The following PDE3A variants were observed in gnomAD, a reference collection of about 807,000 sequenced individuals.
The protein encoded by PDE3A is phosphodiesterase 3A.
PDE3A carries 43 observed loss-of-function variants against 98.3 expected under a neutral mutation model. The ratio of observed to expected loss-of-function variants is 0.44; its 90% CI spans 0.34 to 0.56. The LOEUF (loss-of-function observed/expected upper bound fraction) is 0.56. Ranked by LOEUF, PDE3A falls within the 20% of genes least tolerant of loss-of-function variation. The probability of loss-of-function intolerance (pLI) is 0.01; values close to 1 mark genes in which losing one functional copy is unlikely to be tolerated. For synonymous variants in PDE3A, 663 were observed against 567.9 expected (o/e 1.17, Z -2.38); for missense variants, 1,427 against 1,440.7 (o/e 0.99, Z 0.15).
chr12:20,389,152 A>G (rs1205671866), intron 1 of PDE3A, among the ~76,000 whole-genome samples: 1 of 151,998 alleles, frequency 6.6e-6, no homozygotes, highest in Non-Finnish European at 1.5e-5. Context: ...TTAGCAGAAT[A>G]GTACTAGCTG....
At chr12:20,378,872 T>G (rs1943617087) in intron 1 of PDE3A, among the ~76,000 whole-genome samples, 1 of 151,828 alleles carries the variant, frequency 6.6e-6, no homozygotes, top group South Asian at 2.1e-4. Flanking sequence ...ATGCACATTT[T>G]CTTTCATTTC....
chr12:20,394,329 G>A (rs1364529345), intron 1 of PDE3A, among the ~76,000 whole-genome samples: 2 of 151,908 alleles, frequency 1.3e-5, no homozygotes, highest in Non-Finnish European at 2.9e-5. Context: ...AACTTATAGG[G>A]AAATCATAAA....
At chr12:20,488,289 A>G (rs965192222) in intron 1 of PDE3A, among the ~76,000 whole-genome samples, 12 of 152,252 alleles carry the variant, frequency 7.9e-5, no homozygotes, top group East Asian at 1.9e-4. Flanking sequence ...CTTTGATTCA[A>G]TGGATGATAC....
chr12:20,617,242 C>G (rs1199034936), intron 4 of PDE3A, among the ~76,000 whole-genome samples: 5 of 152,044 alleles, frequency 3.3e-5, no homozygotes, highest in Non-Finnish European at 7.4e-5. Flanking sequence ...AAATAAACCA[C>G]CATACTGAGA....
At chr12:20,593,528 G>T (rs889857209) in intron 2 of PDE3A, among the ~76,000 whole-genome samples, 2 of 140,600 alleles carry the variant, frequency 1.4e-5, no homozygotes, top group African/African-American at 5.2e-5. Flanking sequence ...ATTAAAGCAG[G>T]GATGAGAGGC....
intron 15 of PDE3A, among the ~76,000 whole-genome samples, chr12:20,677,357 T>G (rs1945667706): frequency 6.6e-6 from 1 of 152,178 alleles, no homozygotes; most frequent in Non-Finnish European, 1.5e-5. Context: ...GAGGATTATT[T>G]TGTTCATTTG....
intron 1 of PDE3A, among the ~76,000 whole-genome samples, chr12:20,396,722 A>G (rs1020541758): frequency 1.3e-5 from 2 of 152,172 alleles, no homozygotes; most frequent in Admixed American, 6.5e-5. Flanking sequence ...TTATAATTTC[A>G]TGATGAGAGA....
intron 1 of PDE3A, among the ~76,000 whole-genome samples, chr12:20,423,239 T>G (rs923640314): frequency 6.6e-6 from 1 of 152,214 alleles, no homozygotes; most frequent in Non-Finnish European, 1.5e-5. Context: ...TTCATAGGTA[T>G]GAAAGTTACA....
chr12:20,554,406 A>AT (rs199618796), intron 1 of PDE3A, among the ~76,000 whole-genome samples: 5,067 of 119,440 alleles, frequency 0.042, 285 homozygotes, highest in African/African-American at 0.12. Context: ...GATTTATTTA[A>AT]TTTTTTTTTT....
chr12:20,625,736 T>C (rs904540111), intron 5 of PDE3A, among the ~76,000 whole-genome samples: 1 of 152,204 alleles, frequency 6.6e-6, no homozygotes, highest in African/African-American at 2.4e-5. Flanking sequence ...ATTCCTTGTG[T>C]CTTGACACAC....
At chr12:20,456,397 G>A (rs1485328338) in intron 1 of PDE3A, among the ~76,000 whole-genome samples, 1 of 152,100 alleles carries the variant, frequency 6.6e-6, no homozygotes, top group Non-Finnish European at 1.5e-5. Flanking sequence ...AATAAAACAA[G>A]TATTAGTGTT....
At position 20,470,077 on chromosome 12, in the gene PDE3A, G is replaced by C. The variant is rs1348728382; in HGVS notation, c.961-86583G>C. ...TCATATTTTAATCTTTTTTTTTTCT[G>C]TTTTTTTTTCCTATCCCTGCCACAT... On this transcript the variant is annotated intron_variant, in intron 1 of 15. Coordinates refer to ENST00000359062, the MANE Select transcript of PDE3A (RefSeq NM_000921.5). 2.1e-5 allele frequency among the ~76,000 whole-genome samples: 3 copies of C among 145,942 alleles called. No homozygotes were observed. In the South Asian group the frequency reaches 6.5e-4, roughly 32 times the overall value.
chr12:20,560,155 C>T (rs940593170), intron 2 of PDE3A, among the ~76,000 whole-genome samples: 11 of 152,044 alleles, frequency 7.2e-5, no homozygotes, highest in African/African-American at 1.7e-4. Flanking sequence ...GGCACATACT[C>T]GAGGCCTGAT....
chr12:20,566,695 T>TATCA (rs1388548868), intron 2 of PDE3A, among the ~76,000 whole-genome samples: 2 of 151,786 alleles, frequency 1.3e-5, no homozygotes, highest in Admixed American at 6.6e-5. Flanking sequence ...AGAAGTTGTC[T>TATCA]ATCAAAGATG....
chr12:20,423,383 T>A (rs1416393679), intron 1 of PDE3A, among the ~76,000 whole-genome samples: 1 of 152,228 alleles, frequency 6.6e-6, no homozygotes, highest in Non-Finnish European at 1.5e-5. Flanking sequence ...TGCTCATATC[T>A]GTTTTAGTTG....
chr12:20,425,227 A>G (rs1164854899), intron 1 of PDE3A, among the ~76,000 whole-genome samples: 1 of 152,154 alleles, frequency 6.6e-6, no homozygotes, highest in Non-Finnish European at 1.5e-5. Context: ...TTAATTACTA[A>G]ACAAGGTGGT....
chr12:20,604,686 T>G (rs1271512407), intron 2 of PDE3A, among the ~76,000 whole-genome samples: 1 of 152,180 alleles, frequency 6.6e-6, no homozygotes, highest in African/African-American at 2.4e-5. Context: ...TAAAAAGTTT[T>G]TAAAGTAGAG....
chr12:20,632,333 T>C (rs1944400014), intron 6 of PDE3A, among the ~76,000 whole-genome samples: 2 of 152,210 alleles, frequency 1.3e-5, no homozygotes. Flanking sequence ...CTTCTCTTAG[T>C]GCACACACGA....
intron 10 of PDE3A, among the ~76,000 whole-genome samples, chr12:20,643,774 CTAGAT>C (rs1944701594): frequency 6.6e-6 from 1 of 152,030 alleles, no homozygotes; most frequent in South Asian, 2.1e-4. Context: ...ATTTTCGGCA[CTAGAT>C]TATTTACTTA....
Sources: allele counts gnomAD v4.1 joint callset (sites outside exome capture counted in the v4.1 genomes callset), GRCh38; gene constraint gnomAD v4.1.1; transcripts MANE v1.5; gene names NCBI Gene and HGNC (gene_info 2026-07-23, HGNC 2026-07-21).